Variants in ABCB4 observed in about 807,000 individuals in gnomAD.
The protein encoded by ABCB4 is ATP binding cassette subfamily B member 4, also known as phosphatidylcholine translocator ABCB4.
In ABCB4, 76 loss-of-function variants were observed where a neutral mutation model predicts 145.7. The ratio of observed to expected loss-of-function variants is 0.52; its 90% CI spans 0.43 to 0.63. The LOEUF (loss-of-function observed/expected upper bound fraction) is 0.63. Among genes scored for constraint, ABCB4 ranks in the 30% least tolerant of loss-of-function variants. ABCB4 has a pLI of 0.00. For missense variants in ABCB4, 1,234 were observed against 1,553.1 expected (o/e 0.79, Z 3.45); for synonymous variants, 517 against 566.8 (o/e 0.91, Z 1.25).
chr7:87,418,744 C>A, intron 19 of ABCB4, 124 bp from the exon 20 acceptor site: 3 of 859,448 alleles, frequency 3.5e-6, no homozygotes, highest in Non-Finnish European at 3.8e-6. Flanking sequence ...AGTGTAGAGT[C>A]CCTGGCCTTG....
the ABCB4 span, chr7:87,391,558 T>C: frequency 1.3e-6 from 2 of 1,575,320 alleles, no homozygotes; most frequent in Non-Finnish European, 1.7e-6. Flanking sequence ...TTTTCTTTCT[T>C]ATGATACACT....
At chr7:87,448,625 CT>C (rs1156977122) in intron 8 of ABCB4, 8 of 152,268 alleles carry the variant, frequency 5.3e-5, no homozygotes, top group Admixed American at 3.3e-4. Flanking sequence ...GCTTAGGTGG[CT>C]CGCTTACCGG....
At chr7:87,380,945 C>T in the ABCB4 span, among the ~76,000 whole-genome samples, 2 of 152,210 alleles carry the variant, frequency 1.3e-5, no homozygotes, top group South Asian at 4.1e-4. Context: ...ATAAACTGCT[C>T]AGGCATCTTA....
Position 87,447,090 on chromosome 7 carries a change from A to G in ABCB4, c.949T>C (p.Trp317Arg). The stretch of plus-strand genomic sequence containing the variant: ...GATATGACTAGAGTGGATCCATACC[A>G]GAAGGCCAGTGCATATGATGCATAT... The part of the protein sequence containing the change: ...LIYASYALAF[W>R]YGSTLVISKE... The change falls in exon 9 of 28, where the codon TGG (tryptophan) becomes CGG (arginine). Residue 317 changes from tryptophan (W) to arginine (R), a missense_variant. Physicochemically the swap from Trp to Arg is moderately radical, Grantham distance 101. This residue lies in a region of ABCB4 where 467 missense variants were observed against 632.8 expected (regional missense o/e 0.74). Transcript: ENST00000649586. 6.2e-7 allele frequency: 1 copy of G among 1,614,006 alleles called. No homozygotes were observed. The highest frequency in any genetic ancestry group is 1.7e-4 in the Middle Eastern group (1 of 6,060).
At chr7:87,383,713 T>C in the ABCB4 span, among the ~76,000 whole-genome samples, 3 of 152,060 alleles carry the variant, frequency 2.0e-5, no homozygotes, top group African/African-American at 7.2e-5. Flanking sequence ...GCCAGGCTGG[T>C]CTCTAACTCC....
chr7:87,401,945 G>T lies in ABCB4; in HGVS notation c.*151C>A, dbSNP rs545408490. 2 of 1,077,160 alleles carry T rather than the reference G, an allele frequency of 1.9e-6. No homozygotes were observed. Among genetic ancestry groups the T allele is most frequent in the South Asian group, 1.3e-5 (1 of 74,186 alleles). The allele number at this position is 1,077,160 out of a possible 1,614,324, so 66.7% of individuals were successfully genotyped here. ...TTCTAACTCTCAAATTTCAAATGCC[G>T]TAATAAACCCCAAATTGGGTCTTCT... On this transcript the variant is annotated 3_prime_UTR_variant, in exon 28 of 28. Coordinates refer to ENST00000649586, the MANE Select transcript of ABCB4 (RefSeq NM_000443.4).
chr7:87,432,087 G>T (rs1810278931), intron 14 of ABCB4, among the ~76,000 whole-genome samples: 1 of 152,160 alleles, frequency 6.6e-6, no homozygotes, highest in African/African-American at 2.4e-5. Context: ...TGGTTCAAAA[G>T]CCATCCAAAG....
chr7:87,473,282 C>T (rs2116991463), intron 2 of ABCB4, among the ~76,000 whole-genome samples: 1 of 152,310 alleles, frequency 6.6e-6, no homozygotes, highest in East Asian at 1.9e-4. Context: ...AAGCCAAAAT[C>T]CTTGCATTAA....
chr7:87,375,914 G>A, the ABCB4 span: 2 of 1,612,774 alleles, frequency 1.2e-6, no homozygotes, highest in Admixed American at 1.7e-5. Flanking sequence ...ATTCCATGGA[G>A]GATAGCAGTC....
intron 3 of ABCB4, among the ~76,000 whole-genome samples, chr7:87,471,299 G>A (rs1813380015): frequency 6.6e-6 from 1 of 151,734 alleles, no homozygotes. Context: ...CACCAACATG[G>A]CACATGTATA....
intron 12 of ABCB4, among the ~76,000 whole-genome samples, chr7:87,441,117 T>C (rs564878697): frequency 6.6e-6 from 1 of 152,244 alleles, no homozygotes; most frequent in Non-Finnish European, 1.5e-5. Flanking sequence ...ACTTCAATAT[T>C]TATTGCAAGA....
chr7:87,414,994 G>T (rs1308275105), intron 21 of ABCB4, among the ~76,000 whole-genome samples: 1 of 152,190 alleles, frequency 6.6e-6, no homozygotes, highest in Non-Finnish European at 1.5e-5. Flanking sequence ...TTCCAACTGA[G>T]ACTATCTGAT....
chr7:87,464,028 C>A (rs1361345287), intron 3 of ABCB4, among the ~76,000 whole-genome samples: 1 of 151,556 alleles, frequency 6.6e-6, no homozygotes, highest in Non-Finnish European at 1.5e-5. Flanking sequence ...TTTTTCTCTC[C>A]TCTCTTTTAA....
rs551314325 is a variant in ABCB4, at chr7:87,457,138, G to A, written c.287-2546C>T. 2.6e-5 allele frequency among the ~76,000 whole-genome samples: 4 copies of A among 152,256 alleles called. No homozygotes were observed. The East Asian group carries it at 7.7e-4, about 29-fold the overall frequency. ...ATCACATTTTTATAAAGTGCCCCCC[G>A]CCAGGCCCGGTGGCTCACACCTATA... On this transcript the variant is annotated intron_variant, in intron 4 of 27. Coordinates refer to ENST00000649586, the MANE Select transcript of ABCB4 (RefSeq NM_000443.4).
intron 27 of ABCB4, 142 bp downstream of exon 27, chr7:87,402,993 C>T (rs973495237): frequency 1.0e-6 from 1 of 958,120 alleles, no homozygotes; most frequent in African/African-American, 1.6e-5. Context: ...GAGACCCCGT[C>T]TCAAAAAAAT....
At chr7:87,472,116 A>C (rs1813460286) in intron 3 of ABCB4, among the ~76,000 whole-genome samples, 1 of 152,148 alleles carries the variant, frequency 6.6e-6, no homozygotes, top group Non-Finnish European at 1.5e-5. Flanking sequence ...TCTACTTTTT[A>C]AAAAATCATC....
chr7:87,418,278 C>T (rs1043550677), intron 20 of ABCB4, among the ~76,000 whole-genome samples: 1 of 152,230 alleles, frequency 6.6e-6, no homozygotes, highest in African/African-American at 2.4e-5. Flanking sequence ...TTACTATTAG[C>T]AGCCATCCTG....
intron 3 of ABCB4, among the ~76,000 whole-genome samples, chr7:87,468,979 A>G (rs947197222): frequency 3.3e-5 from 5 of 151,926 alleles, no homozygotes; most frequent in African/African-American, 1.2e-4. Context: ...ATAAAATAAA[A>G]TACTGGCAAA....
intron 21 of ABCB4, 31 bp from the exon 22 acceptor site, chr7:87,413,748 T>A: frequency 7.0e-7 from 1 of 1,425,030 alleles, no homozygotes; most frequent in South Asian, 1.1e-5. Context: ...TCATTAGAAG[T>A]GGTGTTTTCA....
Sources: allele counts gnomAD v4.1 joint callset (sites outside exome capture counted in the v4.1 genomes callset), GRCh38; gene constraint gnomAD v4.1.1; regional missense constraint gnomAD v4.1.1; transcripts MANE v1.5; gene names NCBI Gene and HGNC (gene_info 2026-07-23, HGNC 2026-07-21).